GSE1: variants seen among roughly 807,000 people sequenced by gnomAD.
GSE1 encodes Gse1 coiled-coil protein.
In GSE1, 32 loss-of-function variants were observed where a neutral mutation model predicts 112.6. The observed-to-expected ratio is 0.28, with a 90% CI of 0.21 to 0.38. The LOEUF is 0.38. GSE1 is among the 10% of genes least tolerant of loss of function. The probability of loss-of-function intolerance (pLI) is 1.00; values close to 1 mark genes in which losing one functional copy is unlikely to be tolerated. For synonymous variants in GSE1, 1,115 were observed against 735.6 expected (o/e 1.52, Z -8.35); for missense variants, 2,348 against 1,699.2 (o/e 1.38, Z -6.71).
intron 2 of GSE1, among the ~76,000 whole-genome samples, chr16:85,478,859 CTT>C (rs775489197): frequency 5.3e-3 from 117 of 22,242 alleles, no homozygotes; most frequent in Non-Finnish European, 6.3e-3. Flanking sequence ...TTCTTTCTTT[CTT>C]TCTTTCTTTC....
chr16:85,513,908 G>T (rs1337269139), intron 2 of GSE1, among the ~76,000 whole-genome samples: 1 of 152,142 alleles, frequency 6.6e-6, no homozygotes, highest in Non-Finnish European at 1.5e-5. Context: ...CTGATACTCT[G>T]GGTCAGGGCC....
chr16:85,398,043 G>A (rs919666844), intron 2 of GSE1, among the ~76,000 whole-genome samples: 15 of 152,192 alleles, frequency 9.9e-5, no homozygotes, highest in Admixed American at 9.2e-4. Flanking sequence ...AGGTGATTCT[G>A]TGCAGGAGAG....
chr16:85,448,534 G>A (rs2049576270), intron 2 of GSE1, among the ~76,000 whole-genome samples: 1 of 152,218 alleles, frequency 6.6e-6, no homozygotes, highest in South Asian at 2.1e-4. Flanking sequence ...GAGAGATGAG[G>A]CGGGACCCCA....
intron 1 of GSE1, among the ~76,000 whole-genome samples, chr16:85,193,852 C>T (rs1005253915): frequency 6.6e-6 from 1 of 152,224 alleles, no homozygotes; most frequent in African/African-American, 2.4e-5. Flanking sequence ...CTGAATGTTT[C>T]CCAGTGGTAA....
chr16:85,327,430 C>T (rs1384441792), intron 1 of GSE1, among the ~76,000 whole-genome samples: 1 of 152,156 alleles, frequency 6.6e-6, no homozygotes, highest in Non-Finnish European at 1.5e-5. Flanking sequence ...TGGTGAAACC[C>T]TGTCTCTTCT....
intron 1 of GSE1, among the ~76,000 whole-genome samples, chr16:85,175,848 T>A (rs1400220275): frequency 6.6e-6 from 1 of 152,192 alleles, no homozygotes; most frequent in Non-Finnish European, 1.5e-5. Context: ...TGTTCCCTTT[T>A]CGTAAATAAG....
intron 2 of GSE1, among the ~76,000 whole-genome samples, chr16:85,413,148 G>A (rs1467218289): frequency 5.3e-5 from 8 of 152,164 alleles, no homozygotes; most frequent in Non-Finnish European, 1.2e-4. Flanking sequence ...GTGTGTTTCC[G>A]CACACCCTGC....
chr16:85,270,790 C>T (rs1021046211), intron 1 of GSE1, among the ~76,000 whole-genome samples: 1 of 152,092 alleles, frequency 6.6e-6, no homozygotes, highest in Non-Finnish European at 1.5e-5. Context: ...TATGAGGTCT[C>T]GCCATCCACT....
intron 1 of GSE1, among the ~76,000 whole-genome samples, chr16:85,622,304 C>T (rs1430836136): frequency 1.3e-5 from 2 of 152,168 alleles, no homozygotes; most frequent in South Asian, 2.1e-4. Flanking sequence ...CTGGGCACAG[C>T]ACTTGGGGCT....
At chr16:85,589,823 T>C (rs7201644) in intron 1 of GSE1, among the ~76,000 whole-genome samples, 4,817 of 145,162 alleles carry the variant, frequency 0.033, 248 homozygotes, top group African/African-American at 0.13. Flanking sequence ...TGAGTGTGAA[T>C]ATGTGTGAAT....
Position 85,665,989 on chromosome 16 carries a change from G to C in GSE1, c.2772G>C (p.Gln924His), listed in dbSNP as rs1361457061. 1.2e-6 allele frequency: 2 copies of C among 1,613,018 alleles called. No homozygotes were observed. The highest frequency in any genetic ancestry group is 2.7e-5 in the African/African-American group (2 of 74,932). The change falls in exon 13 of 16, where the codon CAG becomes CAC. Residue 924 changes from glutamine (Q) to histidine (H), a missense_variant. Physicochemically the swap from Gln to His is conservative, Grantham distance 24. Transcript: ENST00000253458. ...PAVSLSEPAT[Q>H]QASLDVEKPV... is the part of the protein sequence containing the mutation. ...TGTCTCTAAAAGAACCAGCCACGCA[G>C]CAAGCCTCTCTGGATGTGGAGAAGC...
At chr16:85,172,786 C>T (rs1428280618) in intron 1 of GSE1, among the ~76,000 whole-genome samples, 2 of 152,192 alleles carry the variant, frequency 1.3e-5, no homozygotes, top group Non-Finnish European at 2.9e-5. Context: ...AGGGTCATTC[C>T]ACCCTTTGAA....
At chr16:85,331,234 C>T (rs935568581) in intron 1 of GSE1, among the ~76,000 whole-genome samples, 3 of 150,140 alleles carry the variant, frequency 2.0e-5, no homozygotes, top group East Asian at 1.9e-4. Context: ...CTCACTGCAA[C>T]CTCCACCTCC....
intron 2 of GSE1, among the ~76,000 whole-genome samples, chr16:85,643,726 G>T (rs35007138): frequency 6.6e-6 from 1 of 152,208 alleles, no homozygotes; most frequent in Non-Finnish European, 1.5e-5. Flanking sequence ...AAGTCTCTGA[G>T]GTTCCTGGGG....
At chr16:85,431,143 A>G (rs2049111297) in intron 2 of GSE1, among the ~76,000 whole-genome samples, 2 of 152,112 alleles carry the variant, frequency 1.3e-5, no homozygotes, top group Admixed American at 1.3e-4. Flanking sequence ...ACCAAGCTCC[A>G]GGGGTGTTAA....
chr16:85,483,985 C>G (rs1424571853), intron 2 of GSE1, among the ~76,000 whole-genome samples: 4 of 152,148 alleles, frequency 2.6e-5, no homozygotes, highest in Non-Finnish European at 5.9e-5. Context: ...CCTCAGCGAC[C>G]CTCCCCGAGA....
At chr16:85,237,292 C>T (rs558228129) in intron 1 of GSE1, among the ~76,000 whole-genome samples, 106 of 152,190 alleles carry the variant, frequency 7.0e-4, no homozygotes, top group Admixed American at 3.7e-3. Flanking sequence ...CACTGCACTC[C>T]AGCCTGGGCG....
chr16:85,340,752 C>G (rs140322423), intron 1 of GSE1, among the ~76,000 whole-genome samples: 2 of 152,188 alleles, frequency 1.3e-5, no homozygotes, highest in Admixed American at 1.3e-4. Context: ...GAGACACTTC[C>G]TGCAGGTCAG....
intron 2 of GSE1, among the ~76,000 whole-genome samples, chr16:85,403,247 C>T (rs531325510): frequency 1.1e-4 from 16 of 152,292 alleles, no homozygotes; most frequent in African/African-American, 3.1e-4. Context: ...CAATGGCAAC[C>T]ACAGTCTGTA....
Sources: gnomAD v4.1 joint callset for allele counts (sites outside exome capture counted in the v4.1 genomes callset) on GRCh38, gnomAD v4.1.1 for gene constraint, MANE v1.5 for transcripts, NCBI Gene and HGNC (gene_info 2026-07-23, HGNC 2026-07-21) for gene names.